FSTL1: variants seen among roughly 807,000 people sequenced by gnomAD.
The protein encoded by FSTL1 is follistatin like 1, also known as follistatin-related protein 1.
A neutral mutation model predicts 45.9 loss-of-function variants in FSTL1; 24 were observed. The observed-to-expected ratio is 0.52, with a 90% CI of 0.38 to 0.74. The LOEUF (loss-of-function observed/expected upper bound fraction) is 0.74, where lower values mean the gene tolerates loss of function less well. Ranked by LOEUF, FSTL1 falls within the 30% of genes least tolerant of loss-of-function variation. The pLI is 0.00. For synonymous variants in FSTL1, 120 were observed against 137.6 expected (o/e 0.87, Z 0.89); for missense variants, 340 against 381.8 (o/e 0.89, Z 0.91).
intron 2 of FSTL1, among the ~76,000 whole-genome samples, chr3:120,431,695 TAGTTCTG>T (rs2107666531): frequency 6.6e-6 from 1 of 152,160 alleles, no homozygotes; most frequent in African/African-American, 2.4e-5. Context: ...GAAATAAAAA[TAGTTCTG>T]AGTTCTGACC....
chr3:120,422,453 C>T (rs1047616605), intron 2 of FSTL1, among the ~76,000 whole-genome samples: 20 of 152,094 alleles, frequency 1.3e-4, no homozygotes, highest in Admixed American at 1.0e-3. Context: ...AACATTTGTA[C>T]ACCTTAAATA....
chr3:120,437,004 C>T (rs935306803), intron 2 of FSTL1, among the ~76,000 whole-genome samples: 15 of 152,030 alleles, frequency 9.9e-5, no homozygotes, highest in African/African-American at 3.4e-4. Context: ...TGAGTCTTTG[C>T]TCAGGGTGAG....
chr3:120,407,057 G>C (rs903857773), intron 6 of FSTL1, among the ~76,000 whole-genome samples: 1 of 152,222 alleles, frequency 6.6e-6, no homozygotes, highest in Admixed American at 6.5e-5. Flanking sequence ...CCCATCACAT[G>C]AATTCAGGTG....
In FSTL1 at chr3:120,416,007, G is replaced by T; in HGVS notation, c.84C>A (p.Ser28=). Residue 28 remains serine (S), a synonymous_variant, in exon 3 of 11, where the codon TCC becomes TCA. Coordinates refer to ENST00000295633, the MANE Select transcript of FSTL1 (RefSeq NM_007085.5). ...VRAEEELRSK[S]KICANVFCGA... ...CACAAAACACATTGGCACAGATCTTGGATTTGCTCCTTAGCTCTTCCTAAA... is the reference window on the plus strand; with the variant it reads ...CACAAAACACATTGGCACAGATCTTTGATTTGCTCCTTAGCTCTTCCTAAA... 1 of 1,613,482 alleles carries T rather than the reference G, an allele frequency of 6.2e-7. No individual in the cohort carries two copies.
chr3:120,443,496 CAG>C lies in FSTL1; in HGVS notation c.63+7186_63+7187del, dbSNP rs1937669749. On this transcript the variant is annotated intron_variant, in intron 2 of 10. Coordinates refer to ENST00000295633, the MANE Select transcript of FSTL1 (RefSeq NM_007085.5). ...TGTCATTGAAGGATAAGAGGAAAGACAGGGGAAAAGACAAATTTTGCCTCAGA... is the reference window on the plus strand; with the variant it reads ...TGTCATTGAAGGATAAGAGGAAAGACGGGAAAAGACAAATTTTGCCTCAGA... Among the ~76,000 whole-genome samples, 2 of 149,788 alleles carry C rather than the reference CAG, an allele frequency of 1.3e-5. 1 individual carries two copies. The highest frequency in any genetic ancestry group is 5.1e-5 in the African/African-American group (2 of 39,148).
At chr3:120,426,253 G>T (rs1288926460) in intron 2 of FSTL1, among the ~76,000 whole-genome samples, 2 of 152,008 alleles carry the variant, frequency 1.3e-5, no homozygotes, top group Admixed American at 1.3e-4. Flanking sequence ...CTCAAGACAG[G>T]CAGTTTTAGA....
At chr3:120,400,650 C>T (rs2107649145) in intron 9 of FSTL1, among the ~76,000 whole-genome samples, 1 of 152,334 alleles carries the variant, frequency 6.6e-6, no homozygotes, top group South Asian at 2.1e-4. Flanking sequence ...TTGCTATCAA[C>T]CTTCCCTTCA....
intron 2 of FSTL1, among the ~76,000 whole-genome samples, chr3:120,434,759 C>T (rs1937523775): frequency 6.6e-6 from 1 of 152,146 alleles, no homozygotes; most frequent in African/African-American, 2.4e-5. Context: ...GGAATTCAAG[C>T]CATAACAACA....
In FSTL1 at chr3:120,402,924, G is replaced by T. The variant is rs1188078853; in HGVS notation, c.695-6C>A. Reference sequence around the variant, plus strand: ...TTCATCCTCCAGGGCACACTCTGTTGGGCCAGAAATACGGGGCAACAGTTT... The same window carrying T: ...TTCATCCTCCAGGGCACACTCTGTTTGGCCAGAAATACGGGGCAACAGTTT... On this transcript the variant is annotated splice_region_variant and splice_polypyrimidine_tract_variant and intron_variant, in intron 8 of 10. Transcript: ENST00000295633. 1.3e-6 allele frequency: 2 copies of T among 1,575,104 alleles called. No individual in the cohort carries two copies. The highest frequency in any genetic ancestry group is 1.7e-6 in the Non-Finnish European group (2 of 1,144,552).
Position 120,450,728 on chromosome 3 carries a change from C to A in FSTL1, c.19G>T (p.Ala7Ser). Residue 7 changes from alanine to serine, a missense_variant, in exon 2 of 11, where the codon GCG (alanine) becomes TCG (serine). Physicochemically the swap from Ala to Ser is moderately conservative, Grantham distance 99. Coordinates refer to ENST00000295633, the MANE Select transcript of FSTL1 (RefSeq NM_007085.5). Reference sequence around the variant, plus strand: ...ACCGCCACCAGCGCGAGCGCGAGCGCGAGCCAGCGTTTCCACATCTGCGGA... The same window carrying A: ...ACCGCCACCAGCGCGAGCGCGAGCGAGAGCCAGCGTTTCCACATCTGCGGA... MWKRWL[A>S]LALALVAVAW... The A allele has an allele frequency of 1.3e-6, 2 of 1,542,060 alleles. No individual in the cohort carries two copies. The highest frequency in any genetic ancestry group is 8.7e-7 in the Non-Finnish European group (1 of 1,154,408).
chr3:120,397,182 G>A (rs1936720066), intron 10 of FSTL1, among the ~76,000 whole-genome samples, 186 bp from the exon 11 acceptor site: 1 of 152,170 alleles, frequency 6.6e-6, no homozygotes, highest in African/African-American at 2.4e-5. Context: ...TTCATGACAT[G>A]GTCATGCAGG....
At chr3:120,398,271 G>T (rs1039339188) in intron 10 of FSTL1, among the ~76,000 whole-genome samples, 1 of 152,108 alleles carries the variant, frequency 6.6e-6, no homozygotes, top group Non-Finnish European at 1.5e-5. Context: ...TTTAAAACCT[G>T]ACAACATTGC....
At chr3:120,422,698 A>ATTT (rs573790628) in intron 2 of FSTL1, among the ~76,000 whole-genome samples, 13 of 145,706 alleles carry the variant, frequency 8.9e-5, no homozygotes, top group African/African-American at 3.3e-4. Flanking sequence ...TCAATCAATA[A>ATTT]TTTTTTTTTT....
intron 2 of FSTL1, among the ~76,000 whole-genome samples, chr3:120,427,677 T>TGCA (rs1269215624): frequency 6.6e-6 from 1 of 152,224 alleles, no homozygotes; most frequent in East Asian, 1.9e-4. Flanking sequence ...AGTGTGTTTG[T>TGCA]GCATGTGTGT....
chr3:120,435,785 G>A (rs1450152320), intron 2 of FSTL1, among the ~76,000 whole-genome samples: 1 of 152,102 alleles, frequency 6.6e-6, no homozygotes, highest in African/African-American at 2.4e-5. Context: ...TTTACACTGG[G>A]CAAAATAATT....
rs901964862 is a variant in FSTL1 at position 120,450,964 on chromosome 3, G to A, written c.-68C>T. 8.7e-6 allele frequency: 4 copies of A among 461,620 alleles called. No homozygotes were observed. Among genetic ancestry groups the A allele is most frequent in the Non-Finnish European group, 1.5e-5 (4 of 261,818 alleles). The allele number at this position is 461,620 out of a possible 1,614,324, so 28.6% of individuals were successfully genotyped here. ...CGGCAGCGAGCTGTAAGCGGAGGTG[G>A]GAGCTCCGCCGATCGCCAGCCTCGG... On this transcript the variant is annotated 5_prime_UTR_variant, in exon 1 of 11. Coordinates refer to ENST00000295633, the MANE Select transcript of FSTL1 (RefSeq NM_007085.5).
At chr3:120,421,728 T>A (rs1334718885) in intron 2 of FSTL1, among the ~76,000 whole-genome samples, 1 of 152,158 alleles carries the variant, frequency 6.6e-6, no homozygotes, top group Non-Finnish European at 1.5e-5. Flanking sequence ...GGTTCTGATG[T>A]GTGTGGCAGG....
rs143268236 is a variant in FSTL1, at chr3:120,442,917, G to A, written c.63+7767C>T. ...GTCACAAGGTAAGATAAAGTGAAGG[G>A]GAACATCACACTCTGGGGACTGTTG... is the stretch of plus-strand genomic sequence containing the variant. On this transcript the variant is annotated intron_variant, in intron 2 of 10. Coordinates refer to ENST00000295633, the MANE Select transcript of FSTL1 (RefSeq NM_007085.5). 1.7e-3 allele frequency among the ~76,000 whole-genome samples: 228 copies of A among 134,054 alleles called. 11 individuals carry two copies. The highest frequency in any genetic ancestry group is 6.9e-3 in the African/African-American group (215 of 31,032). The allele number at this position is 134,054 out of a possible 152,430, so 87.9% of individuals were successfully genotyped here.
chr3:120,443,814 A>T (rs1413185242), intron 2 of FSTL1, among the ~76,000 whole-genome samples: 1 of 149,960 alleles, frequency 6.7e-6, no homozygotes, highest in African/African-American at 2.5e-5. Flanking sequence ...CCAAATGAGC[A>T]TCTAAAGTCT....
Sources: gnomAD v4.1 joint callset for allele counts (sites outside exome capture counted in the v4.1 genomes callset) on GRCh38, gnomAD v4.1.1 for gene constraint, MANE v1.5 for transcripts, NCBI Gene and HGNC (gene_info 2026-07-23, HGNC 2026-07-21) for gene names.